The following TAF8 variants were observed in gnomAD, a reference collection of about 807,000 sequenced individuals.
TAF8 encodes TATA-box binding protein associated factor 8, also known as transcription initiation factor TFIID subunit 8.
TAF8 carries 47 observed loss-of-function variants against 36.5 expected under a neutral mutation model. The observed-to-expected ratio is 1.29, with a 90% CI of 1.02 to 1.64. TAF8 has a LOEUF of 1.64. TAF8 is among the 40% of genes most tolerant of loss of function. The pLI is 0.00. For synonymous variants in TAF8, 175 were observed against 159.5 expected (o/e 1.10, Z -0.73); for missense variants, 420 against 407.6 (o/e 1.03, Z -0.26).
chr6:42,086,770 TCC>T, downstream of TAF8: 1 of 1,549,912 alleles, frequency 6.5e-7, no homozygotes, highest in Non-Finnish European at 8.7e-7. Context: ...TGCCAAGTGC[TCC>T]CCAAGGAGAT....
chr6:42,066,439 A>T lies in TAF8; in HGVS notation c.617A>T (p.Asp206Val). 6.2e-7 allele frequency: 1 copy of T among 1,614,176 alleles called. No individual in the cohort carries two copies. The highest frequency in any genetic ancestry group is 8.5e-7 in the Non-Finnish European group (1 of 1,180,030). The change falls in exon 6 of 9, where the codon GAT (aspartate) becomes GTT (valine). Residue 206 changes from aspartate (D) to valine (V), a missense_variant. Physicochemically the swap from Asp to Val is radical, Grantham distance 152. Coordinates refer to ENST00000372977, the MANE Select transcript of TAF8 (RefSeq NM_138572.3). ...GGCGAGACTCAGAGTCTTTTCAAAG[A>T]TGACGTCAGCACATTTCCATGTGAG... ...KTGETQSLFK[D>V]DVSTFPLIAA... is the part of the protein sequence containing the mutation.
downstream of TAF8, chr6:42,086,986 C>T (rs941542221): frequency 3.2e-5 from 19 of 590,486 alleles, no homozygotes; most frequent in African/African-American, 2.2e-4. Context: ...AAGTGCAGGG[C>T]GAGTTCTGCC....
Position 42,080,373 on chromosome 6 carries a change from CTTTTT to C in TAF8, c.*2840_*2844del. ...AGGCTATACTCTTTTTTTTTCTTTT[CTTTTT>C]TTTTTTTTTTTGAGACGGCATCTCA... On this transcript the variant is annotated 3_prime_UTR_variant, in exon 9 of 9. Coordinates refer to ENST00000372977, the MANE Select transcript of TAF8 (RefSeq NM_138572.3). 1 of 758,654 alleles carries C rather than the reference CTTTTT, an allele frequency of 1.3e-6. No homozygotes were observed. The highest frequency in any genetic ancestry group is 1.5e-6 in the Non-Finnish European group (1 of 664,330). 47.0% of individuals were successfully genotyped at this position (758,654 alleles called of 1,614,324 possible).
Position 42,051,347 on chromosome 6 carries a change from T to A in TAF8, c.46-10T>A. On this transcript the variant is annotated splice_polypyrimidine_tract_variant and intron_variant, in intron 1 of 8. Transcript: ENST00000372977. ...CTCCTGTGGATGAAAATCTCTCTGC[T>A]GATTCACAGAGATCGGGAAGTAAAC... 6.2e-7 allele frequency: 1 copy of A among 1,606,558 alleles called. No individual in the cohort carries two copies. The highest frequency in any genetic ancestry group is 8.5e-7 in the Non-Finnish European group (1 of 1,173,790).
intron 7 of TAF8, among the ~76,000 whole-genome samples, chr6:42,072,347 G>C (rs1765608468): frequency 6.6e-6 from 1 of 152,206 alleles, no homozygotes; most frequent in African/African-American, 2.4e-5. Flanking sequence ...ACAATCATAT[G>C]TTTCAAAATG....
In TAF8 at chr6:42,080,126, C is replaced by A. The variant is rs1765877013; in HGVS notation, c.*2581C>A. 2 of 985,376 alleles carry A rather than the reference C, an allele frequency of 2.0e-6. No individual in the cohort carries two copies. Among genetic ancestry groups the A allele is most frequent in the Non-Finnish European group, 2.4e-6 (2 of 829,926 alleles). 61.0% of individuals were successfully genotyped at this position (985,376 alleles called of 1,614,324 possible). A position where few individuals can be genotyped will look rare whatever the true frequency, so the allele number is the denominator to read the frequency against. On this transcript the variant is annotated 3_prime_UTR_variant, in exon 9 of 9. Coordinates refer to ENST00000372977, the MANE Select transcript of TAF8 (RefSeq NM_138572.3). The stretch of plus-strand genomic sequence containing the variant: ...CCTTCTCAGGGTTTGTGATTCAGTT[C>A]TTAGCGATTCTTGGCCTGATAAGTT...
rs1765821572 is a variant in TAF8, at chr6:42,078,217, G to T, written c.*672G>T. On this transcript the variant is annotated 3_prime_UTR_variant, in exon 9 of 9. Transcript: ENST00000372977. ...AGACTTTCTTAATCAATCAGGCTAT[G>T]TGGTGGGGCATAGCAGCAGCCAGTG... is the stretch of plus-strand genomic sequence containing the variant. The T allele has an allele frequency of 2.0e-6, 2 of 985,642 alleles. No individual in the cohort carries two copies. The highest frequency in any genetic ancestry group is 2.4e-6 in the Non-Finnish European group (2 of 830,094). 61.1% of individuals were successfully genotyped at this position (985,642 alleles called of 1,614,324 possible).
chr6:42,052,840 G>C (rs1764845181), intron 2 of TAF8, among the ~76,000 whole-genome samples: 1 of 152,062 alleles, frequency 6.6e-6, no homozygotes, highest in South Asian at 2.1e-4. Context: ...GTGCAATGCA[G>C]GCCCAATAAA....
Position 42,055,552 on chromosome 6 carries a change from G to A in TAF8, c.224G>A (p.Ser75Asn), listed in dbSNP as rs749824663. 11 of 1,614,156 alleles carry A rather than the reference G, an allele frequency of 6.8e-6. No individual in the cohort carries two copies. Among genetic ancestry groups the A allele is most frequent in the Non-Finnish European group, 9.3e-6 (11 of 1,179,976 alleles). ...LQSYISEIGR[S>N]AKSYCEHTAR... is the part of the protein sequence containing the mutation. ...TTAGACATTTCAGAAATTGGGAGAA[G>A]TGCCAAGTCTTACTGTGAGCACACA... The change falls in exon 3 of 9, where the codon AGT (serine) becomes AAT (asparagine). Residue 75 changes from serine to asparagine, a missense_variant. By Grantham distance (46) the Ser-to-Asn change is conservative. Coordinates refer to ENST00000372977, the MANE Select transcript of TAF8 (RefSeq NM_138572.3).
intron 5 of TAF8, among the ~76,000 whole-genome samples, chr6:42,063,007 G>C (rs961263819): frequency 6.6e-6 from 1 of 152,092 alleles, no homozygotes; most frequent in Admixed American, 6.6e-5. Context: ...CCTTACCTTA[G>C]TAAGACCTCA....
Position 42,051,354 on chromosome 6 carries a change from C to CA in TAF8, c.46-2dup. On this transcript the variant is annotated splice_region_variant and splice_polypyrimidine_tract_variant and intron_variant, in intron 1 of 8. Coordinates refer to ENST00000372977, the MANE Select transcript of TAF8 (RefSeq NM_138572.3). Reference sequence around the variant, plus strand: ...GGATGAAAATCTCTCTGCTGATTCACAGAGATCGGGAAGTAAACAGTCCAC... The same window carrying CA: ...GGATGAAAATCTCTCTGCTGATTCACAAGAGATCGGGAAGTAAACAGTCCAC... 1 of 1,610,084 alleles carries CA rather than the reference C, an allele frequency of 6.2e-7. No individual in the cohort carries two copies. Among genetic ancestry groups the CA allele is most frequent in the Non-Finnish European group, 8.5e-7 (1 of 1,176,752 alleles).
In TAF8 at chr6:42,072,747, G is replaced by T. The variant is rs551414411; in HGVS notation, c.780+4140G>T. On this transcript the variant is annotated intron_variant, in intron 7 of 8. Coordinates refer to ENST00000372977, the MANE Select transcript of TAF8 (RefSeq NM_138572.3). ...TTTGTTTGTTTTTTTTTTTGAGACC[G>T]AGTCTCGCTCTGTCACCCAGGCTGC... Among the ~76,000 whole-genome samples, 6 of 150,850 alleles carry T rather than the reference G, an allele frequency of 4.0e-5. No individual in the cohort carries two copies. The South Asian group carries it at 1.3e-3, about 32-fold the overall frequency.
chr6:42,076,630 T>A lies in TAF8; in HGVS notation c.781-470T>A, dbSNP rs139617624. 3.3e-3 allele frequency among the ~76,000 whole-genome samples: 501 copies of A among 152,274 alleles called. 5 individuals carry two copies. The highest frequency in any genetic ancestry group is 0.011 in the African/African-American group (457 of 41,560). On this transcript the variant is annotated intron_variant, in intron 7 of 8. Coordinates refer to ENST00000372977, the MANE Select transcript of TAF8 (RefSeq NM_138572.3). ...GTTGCAAGTACCAGAAATGTGAGGA[T>A]TTGAGGGAGAAATCTGTTCTGACTT...
downstream of TAF8, chr6:42,086,694 GT>G (rs896108986): frequency 6.4e-7 from 1 of 1,551,070 alleles, no homozygotes. Flanking sequence ...GAGCAAAGCG[GT>G]TTTTTTCACC....
At chr6:42,074,388 G>A (rs879943812) in intron 7 of TAF8, among the ~76,000 whole-genome samples, 2 of 152,300 alleles carry the variant, frequency 1.3e-5, no homozygotes, top group South Asian at 2.1e-4. Context: ...AGCTGTTGGC[G>A]TAGAGATGGC....
At chr6:42,057,098 G>A (rs1393667922) in intron 4 of TAF8, among the ~76,000 whole-genome samples, 3 of 152,134 alleles carry the variant, frequency 2.0e-5, no homozygotes, top group Admixed American at 6.5e-5. Flanking sequence ...TGTAACCTGC[G>A]TAGCTCCTCA....
intron 1 of TAF8, 172 bp downstream of exon 1, chr6:42,050,758 C>G: frequency 1.0e-6 from 1 of 978,464 alleles, no homozygotes; most frequent in Non-Finnish European, 1.4e-6. Context: ...GCTGCGGCCT[C>G]CGGAGTTGGC....
intron 2 of TAF8, among the ~76,000 whole-genome samples, chr6:42,054,910 A>G (rs1344357096): frequency 6.8e-6 from 1 of 146,460 alleles, no homozygotes; most frequent in East Asian, 2.0e-4. Flanking sequence ...TGGCCTTAGC[A>G]TAATGTTTTC....
chr6:42,052,688 T>C (rs974548156), intron 2 of TAF8, among the ~76,000 whole-genome samples: 1 of 152,210 alleles, frequency 6.6e-6, no homozygotes, highest in Non-Finnish European at 1.5e-5. Flanking sequence ...ACAGAGGCTT[T>C]TCTGCATGTA....
Sources: allele counts gnomAD v4.1 joint callset (sites outside exome capture counted in the v4.1 genomes callset), GRCh38; gene constraint gnomAD v4.1.1; transcripts MANE v1.5; gene names NCBI Gene and HGNC (gene_info 2026-07-23, HGNC 2026-07-21).